UST: variants seen among roughly 807,000 people sequenced by gnomAD.
UST encodes chondroitin sulfate 2-O-sulfotransferase.
In UST, 21 loss-of-function variants were observed where a neutral mutation model predicts 45.6. That is an observed-to-expected ratio of 0.46 (90% CI 0.33 to 0.66). The LOEUF (loss-of-function observed/expected upper bound fraction) is 0.66, where lower values mean the gene tolerates loss of function less well. UST is among the 30% of genes least tolerant of loss of function. UST has a pLI of 0.02. For missense variants in UST, 463 were observed against 512.4 expected (o/e 0.90, Z 0.93); for synonymous variants, 215 against 200.6 (o/e 1.07, Z -0.61).
At chr6:148,869,371 G>T (rs954707869) in intron 1 of UST, among the ~76,000 whole-genome samples, 9 of 151,848 alleles carry the variant, frequency 5.9e-5, no homozygotes, top group African/African-American at 2.2e-4. Context: ...GGAGAGTGAT[G>T]AATTTATTAA....
chr6:148,797,303 A>T (rs1450177504), intron 1 of UST, among the ~76,000 whole-genome samples: 1 of 152,194 alleles, frequency 6.6e-6, no homozygotes, highest in Non-Finnish European at 1.5e-5. Flanking sequence ...AAAACCAAAC[A>T]AACAAGCAAA....
At chr6:148,779,867 T>G (rs1562255016) in intron 1 of UST, among the ~76,000 whole-genome samples, 1 of 152,116 alleles carries the variant, frequency 6.6e-6, no homozygotes, top group Non-Finnish European at 1.5e-5. Flanking sequence ...CAGTGTTTTT[T>G]CCCCCTCCTG....
chr6:149,013,647 CAGCTAATTAATCTTGG>C (rs1224491562), intron 5 of UST, among the ~76,000 whole-genome samples: 5 of 152,198 alleles, frequency 3.3e-5, no homozygotes, highest in Admixed American at 6.5e-5. Flanking sequence ...TGAGGACACC[CAGCTAATTAATCTTGG>C]AGCTAATTAA....
chr6:148,964,797 G>T (rs1329062695), intron 5 of UST: 2 of 557,612 alleles, frequency 3.6e-6, no homozygotes, highest in Non-Finnish European at 6.3e-6. Flanking sequence ...TTGCTCAGTT[G>T]TCTTTAGTGC....
chr6:148,879,057 C>G (rs1023408719), intron 1 of UST, among the ~76,000 whole-genome samples: 1 of 152,092 alleles, frequency 6.6e-6, no homozygotes, highest in Non-Finnish European at 1.5e-5. Flanking sequence ...GAAATTTATT[C>G]TTGAAAAGAT....
intron 1 of UST, among the ~76,000 whole-genome samples, chr6:148,769,426 G>A (rs868762496): frequency 1.3e-5 from 2 of 152,230 alleles, no homozygotes; most frequent in African/African-American, 4.8e-5. Context: ...AAGAGGCAGT[G>A]TAGTGTTAAC....
At chr6:149,015,725 A>T (rs1189612842) in intron 5 of UST, among the ~76,000 whole-genome samples, 1 of 152,240 alleles carries the variant, frequency 6.6e-6, no homozygotes, top group Non-Finnish European at 1.5e-5. Flanking sequence ...AGAGAACTTT[A>T]GTATTAAAAG....
intron 7 of UST, among the ~76,000 whole-genome samples, chr6:149,044,232 C>T (rs935797557): frequency 6.6e-6 from 1 of 152,130 alleles, no homozygotes; most frequent in Non-Finnish European, 1.5e-5. Context: ...CTAAACATTT[C>T]CCTCTGTTCA....
At chr6:148,871,189 C>T (rs1222374469) in intron 1 of UST, among the ~76,000 whole-genome samples, 1 of 142,846 alleles carries the variant, frequency 7.0e-6, no homozygotes, top group Non-Finnish European at 1.5e-5. Context: ...TCTCTGTCCC[C>T]CTCTCTTTCT....
At chr6:149,007,370 C>T (rs1775733217) in intron 5 of UST, among the ~76,000 whole-genome samples, 1 of 150,428 alleles carries the variant, frequency 6.6e-6, no homozygotes, top group Non-Finnish European at 1.5e-5. Flanking sequence ...TCACTGCAAG[C>T]TCTGCCTTCT....
intron 7 of UST, among the ~76,000 whole-genome samples, chr6:149,022,217 C>A (rs1775991152): frequency 6.6e-6 from 1 of 152,214 alleles, no homozygotes; most frequent in African/African-American, 2.4e-5. Context: ...ACTGCTGTGA[C>A]AACAAGCCTT....
Position 148,851,984 on chromosome 6 carries a change from ACTTCTTAC to A in UST, c.248-34998_248-34991del, listed in dbSNP as rs937345075. On this transcript the variant is annotated intron_variant, in intron 1 of 7. Coordinates refer to ENST00000367463, the MANE Select transcript of UST (RefSeq NM_005715.3). ...TGGCTGGGAAAGGTTTCAAACCATGACTTCTTACCTTTGTTCAAACCAGATGCAAGGAA... is the reference window on the plus strand; with the variant it reads ...TGGCTGGGAAAGGTTTCAAACCATGACTTTGTTCAAACCAGATGCAAGGAA... Among the ~76,000 whole-genome samples the A allele has an allele frequency of 5.7e-4, 87 of 152,296 alleles. 1 individual carries two copies. Among genetic ancestry groups the A allele is most frequent in the African/African-American group, 1.9e-3 (78 of 41,564 alleles).
Position 149,006,780 on chromosome 6 carries a change from T to G in UST, c.682-12359T>G, listed in dbSNP as rs1775708634. ...CTGTTGTTTCTTGACTTTTTAATAATCGCCATTCTGACTGGTGTGAGATGG... is the reference window on the plus strand; with the variant it reads ...CTGTTGTTTCTTGACTTTTTAATAAGCGCCATTCTGACTGGTGTGAGATGG... On this transcript the variant is annotated intron_variant, in intron 5 of 7. Transcript: ENST00000367463. Among the ~76,000 whole-genome samples the G allele has an allele frequency of 1.1e-4, 16 of 152,348 alleles. No individual in the cohort carries two copies. In the South Asian group the frequency reaches 3.1e-3, roughly 30 times the overall value.
chr6:149,023,108 G>A (rs1776002407), intron 7 of UST, among the ~76,000 whole-genome samples: 1 of 31,432 alleles, frequency 3.2e-5, no homozygotes, highest in South Asian at 6.7e-4. Flanking sequence ...TATGGTGTGT[G>A]TGTGTGTGTG....
intron 7 of UST, among the ~76,000 whole-genome samples, chr6:149,069,271 T>C (rs1480683899): frequency 2.0e-5 from 3 of 152,218 alleles, no homozygotes; most frequent in Admixed American, 2.0e-4. Flanking sequence ...GTAGAAGGGT[T>C]GCTGGATCAT....
At chr6:148,890,296 C>T (rs1582880057) in intron 2 of UST, among the ~76,000 whole-genome samples, 1 of 152,162 alleles carries the variant, frequency 6.6e-6, no homozygotes, top group East Asian at 1.9e-4. Context: ...TTAAGTGTCC[C>T]CTGGGGTGGG....
intron 1 of UST, among the ~76,000 whole-genome samples, chr6:148,851,672 TAAG>T (rs1409213356): frequency 6.6e-6 from 1 of 152,186 alleles, no homozygotes; most frequent in African/African-American, 2.4e-5. Flanking sequence ...CCCATAGAAA[TAAG>T]AAGAATGTTG....
chr6:148,902,720 T>G (rs1423049351), intron 2 of UST, among the ~76,000 whole-genome samples: 1 of 152,132 alleles, frequency 6.6e-6, no homozygotes, highest in Non-Finnish European at 1.5e-5. Context: ...GAACCTACTC[T>G]TATTTGGATT....
chr6:148,748,530 C>G lies in UST; in HGVS notation c.247+853C>G, dbSNP rs1416492529. 2.0e-5 allele frequency among the ~76,000 whole-genome samples: 3 copies of G among 151,234 alleles called. No homozygotes were observed. Among genetic ancestry groups the G allele is most frequent in the Non-Finnish European group, 2.9e-5 (2 of 67,868 alleles). On this transcript the variant is annotated intron_variant, in intron 1 of 7. Transcript: ENST00000367463. The surrounding 1 kb of genome is among the most constrained non-coding windows in gnomAD (Gnocchi z 5.3). ...GACGGGAGGGAAAGAGCCGCTCCAG[C>G]GAGAAGGCGTGACCCCGCAGCTCCC...
Sources: allele counts gnomAD v4.1 joint callset (sites outside exome capture counted in the v4.1 genomes callset), GRCh38; gene constraint gnomAD v4.1.1; non-coding constraint Gnocchi (gnomAD v3.1); transcripts MANE v1.5; gene names NCBI Gene and HGNC (gene_info 2026-07-23, HGNC 2026-07-21).